Variants in PARVB observed in about 807,000 individuals in gnomAD.
PARVB encodes parvin beta.
PARVB carries 46 observed loss-of-function variants against 47.0 expected under a neutral mutation model. The observed-to-expected ratio is 0.98, with a 90% CI of 0.77 to 1.25. The LOEUF is 1.25. PARVB is among the 50% of genes most tolerant of loss of function. PARVB has a pLI of 0.00. For missense variants in PARVB, 473 were observed against 471.6 expected (o/e 1.00, Z -0.03); for synonymous variants, 196 against 196.3 (o/e 1.00, Z 0.01).
chr22:44,116,795 C>T (rs1045774096), intron 3 of PARVB, among the ~76,000 whole-genome samples: 1 of 152,050 alleles, frequency 6.6e-6, no homozygotes, highest in Non-Finnish European at 1.5e-5. Flanking sequence ...GGAGGAAGTG[C>T]TGCTCAGGTA....
Position 44,151,670 on chromosome 22 carries a change from C to T in PARVB, c.843+119C>T, listed in dbSNP as rs2053813399. 13 of 769,254 alleles carry T rather than the reference C, an allele frequency of 1.7e-5. No homozygotes were observed. In the Admixed American group the frequency reaches 2.3e-4, roughly 14 times the overall value. 47.7% of individuals were successfully genotyped at this position (769,254 alleles called of 1,614,324 possible). Reference sequence around the variant, plus strand: ...CATTTTGTTCATCTCACAAGGAACTCCCGTGGTGCAGGCAGAAATAACCAC... The same window carrying T: ...CATTTTGTTCATCTCACAAGGAACTTCCGTGGTGCAGGCAGAAATAACCAC... On this transcript the variant is annotated intron_variant, in intron 10 of 12. Coordinates refer to ENST00000338758, the MANE Select transcript of PARVB (RefSeq NM_013327.5).
At chr22:44,074,868 G>A (rs565259706) in intron 1 of PARVB, among the ~76,000 whole-genome samples, 1 of 152,102 alleles carries the variant, frequency 6.6e-6, no homozygotes, top group Middle Eastern at 3.4e-3. Flanking sequence ...CCCACCTCAT[G>A]TCTGCACTAG....
intron 1 of PARVB, among the ~76,000 whole-genome samples, chr22:44,088,452 G>A (rs147207731): frequency 0.013 from 2,013 of 152,222 alleles, 18 homozygotes; most frequent in Non-Finnish European, 0.021. Context: ...CTCCCTCACA[G>A]ACTTGTTTAT....
rs1429095099 is a variant in PARVB at position 44,140,110 on chromosome 22, G to A, written c.693-14G>A. On this transcript the variant is annotated splice_polypyrimidine_tract_variant and intron_variant, in intron 7 of 12. Coordinates refer to ENST00000338758, the MANE Select transcript of PARVB (RefSeq NM_013327.5). The stretch of plus-strand genomic sequence containing the variant: ...TGACCCATCTCATGGCTCTCTCTGT[G>A]TTCTTGTTTGCAGGATGATGATGGG... 6.7e-7 allele frequency: 1 copy of A among 1,503,350 alleles called. No homozygotes were observed. The highest frequency in any genetic ancestry group is 8.9e-7 in the Non-Finnish European group (1 of 1,124,570). The allele number at this position is 1,503,350 out of a possible 1,614,324, so 93.1% of individuals were successfully genotyped here.
At chr22:44,117,796 C>T (rs1215799044) in intron 3 of PARVB, among the ~76,000 whole-genome samples, 1 of 149,714 alleles carries the variant, frequency 6.7e-6, no homozygotes, top group African/African-American at 2.5e-5. Flanking sequence ...GCCATAAACT[C>T]CCATTTCCGA....
rs141054111 is a variant in PARVB at position 44,014,471 on chromosome 22, C to A, written c.211+14798C>A. 1.1e-4 allele frequency among the ~76,000 whole-genome samples: 17 copies of A among 152,274 alleles called. No individual in the cohort carries two copies. The East Asian group carries it at 3.1e-3, about 28-fold the overall frequency. ...GTGTACAATGTATGCATAGCCCTGG[C>A]ACGAGGCATATGTGGGGAGCATATT... is the stretch of plus-strand genomic sequence containing the variant. On this transcript the variant is annotated intron_variant, in intron 2 of 13. Transcript: ENST00000406477.
At chr22:44,051,482 G>C (rs898903864) in intron 1 of PARVB, among the ~76,000 whole-genome samples, 1 of 152,164 alleles carries the variant, frequency 6.6e-6, no homozygotes, top group African/African-American at 2.4e-5. Context: ...GATAGTGTTG[G>C]GTGGGCAAGG....
intron 3 of PARVB, chr22:44,105,239 AG>A (rs1321660503): frequency 6.6e-6 from 1 of 152,190 alleles, no homozygotes; most frequent in Non-Finnish European, 1.5e-5. Flanking sequence ...TGAATGACAT[AG>A]TTACTCCCTG....
chr22:44,105,040 G>C (rs1048092954), intron 3 of PARVB: 1 of 152,248 alleles, frequency 6.6e-6, no homozygotes, highest in African/African-American at 2.4e-5. Flanking sequence ...GTCATAGGCA[G>C]CGTTACTCTC....
Position 44,049,898 on chromosome 22 carries a change from C to T in PARVB, c.112+25447C>T, listed in dbSNP as rs754812421. Among the ~76,000 whole-genome samples, 2 of 152,150 alleles carry T rather than the reference C, an allele frequency of 1.3e-5. No homozygotes were observed. Among genetic ancestry groups the T allele is most frequent in the South Asian group, 2.1e-4 (1 of 4,826 alleles). ...TGTGGCTCTGGTGGGGAGTGTGTCT[C>T]GATGTTGTACTGTGAATAAGCCCCA... On this transcript the variant is annotated intron_variant, in intron 1 of 12. Coordinates refer to ENST00000338758, the MANE Select transcript of PARVB (RefSeq NM_013327.5). The surrounding 1 kb of genome is among the most constrained non-coding windows in gnomAD (Gnocchi z 4.0).
intron 1 of PARVB, among the ~76,000 whole-genome samples, chr22:44,065,448 G>A (rs1306969860): frequency 3.9e-5 from 6 of 151,990 alleles, no homozygotes; most frequent in East Asian, 1.9e-4. Context: ...GAGCCACTAC[G>A]CCCAGCCTCC....
chr22:44,035,320 A>AAGCTATTC (rs1312650183), intron 1 of PARVB, among the ~76,000 whole-genome samples: 1 of 150,856 alleles, frequency 6.6e-6, no homozygotes, highest in Admixed American at 6.6e-5. Flanking sequence ...ACAACATCTC[A>AAGCTATTC]AGCTATTCAG....
intron 1 of PARVB, among the ~76,000 whole-genome samples, chr22:44,037,170 AAAC>A (rs1457622764): frequency 1.3e-4 from 20 of 151,928 alleles, no homozygotes; most frequent in Non-Finnish European, 2.4e-4. Flanking sequence ...AAAGAAAACA[AAAC>A]AACAACAAAA....
intron 1 of PARVB, among the ~76,000 whole-genome samples, chr22:44,071,816 C>T (rs186334906): frequency 6.6e-6 from 1 of 152,366 alleles, no homozygotes; most frequent in East Asian, 1.9e-4. Flanking sequence ...CCAAGATCTA[C>T]TTTCCTTGTC....
At chr22:44,004,189 C>T (rs1019387314) in intron 2 of PARVB, among the ~76,000 whole-genome samples, 2 of 152,220 alleles carry the variant, frequency 1.3e-5, no homozygotes, top group African/African-American at 4.8e-5. Context: ...CACGAAGTAG[C>T]AGAGCCATGG....
Position 44,000,783 on chromosome 22 carries a change from T to C in PARVB, c.211+1110T>C, listed in dbSNP as rs562870279. Among the ~76,000 whole-genome samples the C allele has an allele frequency of 2.0e-5, 3 of 152,364 alleles. No individual in the cohort carries two copies. The East Asian group carries it at 5.8e-4, about 29-fold the overall frequency. On this transcript the variant is annotated intron_variant, in intron 2 of 13. Transcript: ENST00000406477. ...AGTGTGGAATCTGAAACCCCGTCTA[T>C]GTCTTTTTCACACTCTGTTCCATTA...
chr22:44,124,660 G>A lies in PARVB; in HGVS notation c.376+5520G>A, dbSNP rs114273737. ...ACAGACAAGCCCCATCCTGGTGGAA[G>A]GGTCTCCCCGTGGGCCGTCCTGGAG... On this transcript the variant is annotated intron_variant, in intron 4 of 12. Coordinates refer to ENST00000338758, the MANE Select transcript of PARVB (RefSeq NM_013327.5). Among the ~76,000 whole-genome samples the A allele has an allele frequency of 5.5e-3, 828 of 150,070 alleles. 5 individuals are homozygous for A. Among genetic ancestry groups the A allele is most frequent in the African/African-American group, 0.019 (738 of 39,664 alleles).
intron 1 of PARVB, among the ~76,000 whole-genome samples, chr22:44,033,328 C>T (rs1402490870): frequency 3.3e-5 from 5 of 152,188 alleles, no homozygotes; most frequent in Admixed American, 6.5e-5. Flanking sequence ...AGGAGTGAGC[C>T]ACCACTCCCG....
rs1420562407 is a variant in PARVB, at chr22:44,132,921, T to C, written c.545T>C (p.Ile182Thr). The C allele has an allele frequency of 6.2e-7, 1 of 1,613,834 alleles. No individual in the cohort carries two copies. The highest frequency in any genetic ancestry group is 1.7e-5 in the Admixed American group (1 of 60,004). The change falls in exon 6 of 13, where the codon ATC (isoleucine) becomes ACC (threonine). Residue 182 changes from isoleucine (I) to threonine (T), a missense_variant. Coordinates refer to ENST00000338758, the MANE Select transcript of PARVB (RefSeq NM_013327.5). The part of the protein sequence containing the change: ...DSIHGKNLVA[I>T]LHLLVSLAMH... ...ATTCACGGGAAGAACCTGGTGGCCA[T>C]CCTCCACCTGCTGGTCTCTCTGGCC...
Sources: gnomAD v4.1 joint callset for allele counts (sites outside exome capture counted in the v4.1 genomes callset) on GRCh38, gnomAD v4.1.1 for gene constraint, Gnocchi (gnomAD v3.1) non-coding constraint, MANE v1.5 for transcripts, NCBI Gene and HGNC (gene_info 2026-07-23, HGNC 2026-07-21) for gene names.